PRDM5: variants seen among roughly 807,000 people sequenced by gnomAD.
The protein encoded by PRDM5 is PR domain zinc finger protein 5.
Under a neutral mutation model 81.2 loss-of-function variants are expected in PRDM5, and 56 were observed. The observed-to-expected ratio is 0.69, with a 90% CI of 0.56 to 0.86. The LOEUF is 0.86. Ranked by LOEUF, PRDM5 falls within the 40% of genes least tolerant of loss-of-function variation. The pLI is 0.00. For missense variants in PRDM5, 697 were observed against 770.1 expected, an observed-to-expected ratio of 0.91 and a Z score of 1.12; for synonymous variants, 267 against 256.4, an observed-to-expected ratio of 1.04 and a Z score of -0.39.
Position 120,694,264 on chromosome 4 carries a change from C to T in PRDM5, c.*847G>A, listed in dbSNP as rs1344347569. On this transcript the variant is annotated 3_prime_UTR_variant, in exon 16 of 16. Coordinates refer to ENST00000264808, the MANE Select transcript of PRDM5 (RefSeq NM_018699.4). ...CACTCTGTTGCCAAATACAGAGAAT[C>T]TATTTGGTTTCTATTTTTAATTATA... is the stretch of plus-strand genomic sequence containing the variant. 6.6e-6 allele frequency: 1 copy of T among 152,022 alleles called. No individual in the cohort carries two copies. The highest frequency in any genetic ancestry group is 1.5e-5 in the Non-Finnish European group (1 of 67,984). 9.4% of individuals were successfully genotyped at this position (152,022 alleles called of 1,614,324 possible). A position where few individuals can be genotyped will look rare whatever the true frequency, so the allele number is the denominator to read the frequency against.
intron 12 of PRDM5, among the ~76,000 whole-genome samples, chr4:120,780,518 T>C (rs1246902849): frequency 6.6e-5 from 10 of 152,178 alleles, no homozygotes; most frequent in Admixed American, 6.5e-4. Context: ...ATTTAAAATA[T>C]ATACTTTAAA....
chr4:120,870,772 G>A (rs552953704), intron 2 of PRDM5, among the ~76,000 whole-genome samples: 12 of 152,118 alleles, frequency 7.9e-5, no homozygotes, highest in Admixed American at 5.2e-4. Flanking sequence ...AGTGTGGAGC[G>A]GACGGTAGCT....
chr4:120,785,051 T>C lies in PRDM5; in HGVS notation c.1229A>G (p.Lys410Arg). The C allele has an allele frequency of 1.2e-6, 2 of 1,611,860 alleles. No individual in the cohort carries two copies. The highest frequency in any genetic ancestry group is 1.7e-6 in the Non-Finnish European group (2 of 1,178,242). Residue 410 changes from lysine to arginine, a missense_variant, in exon 11 of 16, where the codon AAA (lysine) becomes AGA (arginine). This residue lies in a region of PRDM5 where 577 missense variants were observed against 606.7 expected (regional missense o/e 0.95). Transcript: ENST00000264808. ...EERPFQCEEC[K>R]ALFRTPFSLQ... ...AGAAAATGGGGTCCGGAACAAAGCT[T>C]TACATTCTTCACATTGGAACGGTCT...
intron 2 of PRDM5, among the ~76,000 whole-genome samples, chr4:120,854,983 T>A (rs1424292511): frequency 2.0e-5 from 3 of 150,130 alleles, no homozygotes; most frequent in Non-Finnish European, 4.5e-5. Flanking sequence ...ACCGAGAAAG[T>A]GGTGGGCATT....
chr4:120,776,284 T>C (rs79446370), intron 13 of PRDM5, among the ~76,000 whole-genome samples: 1,591 of 152,286 alleles, frequency 0.01, 32 homozygotes, highest in African/African-American at 0.035. Context: ...TTAAAAATTA[T>C]GCTCCAAGGG....
chr4:120,891,463 T>C (rs1426517350), intron 2 of PRDM5, among the ~76,000 whole-genome samples: 1 of 152,160 alleles, frequency 6.6e-6, no homozygotes, highest in Non-Finnish European at 1.5e-5. Context: ...TGACCTCATT[T>C]ATGCTTTCAG....
chr4:120,781,377 A>AC, intron 11 of PRDM5, 74 bp from the exon 12 acceptor site: 1 of 1,371,352 alleles, frequency 7.3e-7, no homozygotes, highest in Non-Finnish European at 1.0e-6. Flanking sequence ...TGCCAGACTT[A>AC]GTTGCTTTCT....
At chr4:120,756,609 T>C (rs998841180) in intron 13 of PRDM5, among the ~76,000 whole-genome samples, 2 of 152,206 alleles carry the variant, frequency 1.3e-5, no homozygotes, top group Non-Finnish European at 2.9e-5. Flanking sequence ...TCATTTAACC[T>C]TGAACCACAA....
At chr4:120,776,421 G>C (rs556476866) in intron 13 of PRDM5, among the ~76,000 whole-genome samples, 54 of 152,280 alleles carry the variant, frequency 3.5e-4, no homozygotes, top group African/African-American at 1.3e-3. Flanking sequence ...CAAAGGTAAA[G>C]AAAGTCATAT....
At chr4:120,705,129 CA>C (rs753517600) in intron 15 of PRDM5, among the ~76,000 whole-genome samples, 15 of 152,064 alleles carry the variant, frequency 9.9e-5, no homozygotes, top group Non-Finnish European at 1.8e-4. Context: ...CCAAGGAGGC[CA>C]GTACTATTGT....
At chr4:120,916,025 G>A (rs1482193379) in intron 1 of PRDM5, among the ~76,000 whole-genome samples, 1 of 152,168 alleles carries the variant, frequency 6.6e-6, no homozygotes, top group Non-Finnish European at 1.5e-5. Context: ...CAGAAGACAA[G>A]TGTTATAAGA....
chr4:120,821,032 C>T (rs549067968), intron 4 of PRDM5, 139 bp downstream of exon 4: 1 of 1,021,412 alleles, frequency 9.8e-7, no homozygotes, highest in Admixed American at 1.8e-5. Context: ...CCACAGGATA[C>T]CCTCGAGAAT....
chr4:120,914,950 T>A (rs1260062972), intron 1 of PRDM5, among the ~76,000 whole-genome samples: 1 of 152,156 alleles, frequency 6.6e-6, no homozygotes, highest in Admixed American at 6.6e-5. Flanking sequence ...GGAGCTAAGC[T>A]GTGGGTACAC....
At chr4:120,805,338 C>A (rs529526676) in intron 8 of PRDM5, among the ~76,000 whole-genome samples, 78 of 152,312 alleles carry the variant, frequency 5.1e-4, no homozygotes, top group African/African-American at 1.8e-3. Flanking sequence ...GGAATCCTCC[C>A]TAACTCATTT....
At chr4:120,752,604 AT>A (rs1455644646) in intron 14 of PRDM5, among the ~76,000 whole-genome samples, 1 of 152,196 alleles carries the variant, frequency 6.6e-6, no homozygotes, top group Admixed American at 6.5e-5. Flanking sequence ...GGACTTTTAA[AT>A]TTGGGGTCAT....
At chr4:120,717,774 T>C (rs1738006081) in intron 14 of PRDM5, among the ~76,000 whole-genome samples, 1 of 152,140 alleles carries the variant, frequency 6.6e-6, no homozygotes, top group Non-Finnish European at 1.5e-5. Flanking sequence ...CCACATACAG[T>C]AGGTACATAA....
chr4:120,862,449 T>C (rs1027578183), intron 2 of PRDM5, among the ~76,000 whole-genome samples: 3 of 152,188 alleles, frequency 2.0e-5, no homozygotes, highest in Admixed American at 6.5e-5. Context: ...TAAAGTAACA[T>C]ACAATGCCAA....
intron 14 of PRDM5, among the ~76,000 whole-genome samples, chr4:120,742,862 A>G (rs533092663): frequency 1.3e-5 from 2 of 152,272 alleles, no homozygotes; most frequent in South Asian, 2.1e-4. Flanking sequence ...TCTGCAGGAT[A>G]TTATCCAGGA....
At chr4:120,867,630 C>A (rs545055307) in intron 2 of PRDM5, among the ~76,000 whole-genome samples, 1 of 152,146 alleles carries the variant, frequency 6.6e-6, no homozygotes, top group East Asian at 1.9e-4. Context: ...TAAAGGGAAG[C>A]AGTTGGGAAA....
Sources: gnomAD v4.1 joint callset for allele counts (sites outside exome capture counted in the v4.1 genomes callset) on GRCh38, gnomAD v4.1.1 for gene constraint, gnomAD v4.1.1 regional missense constraint, MANE v1.5 for transcripts, NCBI Gene and HGNC (gene_info 2026-07-23, HGNC 2026-07-21) for gene names.